Variants in GFRAL observed in about 807,000 individuals in gnomAD.
GFRAL encodes GDNF family receptor alpha-like.
In GFRAL, 36 loss-of-function variants were observed where a neutral mutation model predicts 45.4. The observed-to-expected ratio is 0.79, with a 90% CI of 0.61 to 1.05. GFRAL has a LOEUF of 1.05. GFRAL is among the 50% of genes least tolerant of loss of function. The pLI is 0.00. For missense variants in GFRAL, 507 were observed against 467.5 expected, an observed-to-expected ratio of 1.08 and a Z score of -0.78; for synonymous variants, 166 against 154.1, an observed-to-expected ratio of 1.08 and a Z score of -0.57.
chr6:55,332,743 A>C (rs1345867990), intron 2 of GFRAL, among the ~76,000 whole-genome samples: 2 of 152,134 alleles, frequency 1.3e-5, no homozygotes, highest in Admixed American at 6.5e-5. Flanking sequence ...AAAAAGAAAA[A>C]ATATATATAT....
intron 5 of GFRAL, among the ~76,000 whole-genome samples, chr6:55,355,149 GT>G (rs921002694): frequency 6.6e-6 from 1 of 151,096 alleles, no homozygotes; most frequent in Non-Finnish European, 1.5e-5. Flanking sequence ...TATTGTTTTT[GT>G]TTTTTTTCCC....
chr6:55,336,948 C>A (rs1322192349), intron 3 of GFRAL, among the ~76,000 whole-genome samples: 1 of 152,060 alleles, frequency 6.6e-6, no homozygotes, highest in Non-Finnish European at 1.5e-5. Flanking sequence ...CTGAATTCTG[C>A]AAATACTTTT....
chr6:55,349,422 A>T (rs1057244959), intron 3 of GFRAL, among the ~76,000 whole-genome samples: 3 of 151,904 alleles, frequency 2.0e-5, no homozygotes, highest in Non-Finnish European at 4.4e-5. Context: ...TGCTCCTTAT[A>T]GTTTCTTTTG....
chr6:55,363,740 A>T (rs1308855361), intron 6 of GFRAL, among the ~76,000 whole-genome samples: 1 of 151,060 alleles, frequency 6.6e-6, no homozygotes, highest in East Asian at 2.0e-4. Flanking sequence ...TTCCAATTTC[A>T]TCCATGTCCC....
At chr6:55,398,971 A>C (rs2127367736) in intron 6 of GFRAL, among the ~76,000 whole-genome samples, 1 of 152,268 alleles carries the variant, frequency 6.6e-6, no homozygotes, top group Admixed American at 6.5e-5. Flanking sequence ...CAAAAAATAA[A>C]AGCTTATACA....
At chr6:55,333,647 T>G (rs752415893) in intron 2 of GFRAL, 139 bp from the exon 3 acceptor site, 3 of 468,172 alleles carry the variant, frequency 6.4e-6, no homozygotes, top group African/African-American at 2.0e-5. Flanking sequence ...GTCACTTATA[T>G]GGATATCTTG....
At chr6:55,337,790 G>A (rs1279464711) in intron 3 of GFRAL, among the ~76,000 whole-genome samples, 2 of 152,076 alleles carry the variant, frequency 1.3e-5, no homozygotes, top group South Asian at 4.2e-4. Flanking sequence ...TCCTTTTTAT[G>A]TTTACATATT....
In GFRAL at chr6:55,373,333, C is replaced by T. The variant is rs537561656; in HGVS notation, c.952+14195C>T. ...TAGGTTTGGCGGAGTACACCCTCCT[C>T]GGGGAACATGGAATGTTCATAGCCA... On this transcript the variant is annotated intron_variant, in intron 6 of 8. Coordinates refer to ENST00000340465, the MANE Select transcript of GFRAL (RefSeq NM_207410.2). Among the ~76,000 whole-genome samples the T allele has an allele frequency of 3.9e-5, 6 of 152,098 alleles. No homozygotes were observed. The South Asian group carries it at 6.2e-4, about 16-fold the overall frequency.
At chr6:55,375,789 G>A (rs939229616) in intron 6 of GFRAL, among the ~76,000 whole-genome samples, 18 of 151,946 alleles carry the variant, frequency 1.2e-4, no homozygotes, top group African/African-American at 3.9e-4. Context: ...TCTAGATACA[G>A]GATCATGTCT....
intron 5 of GFRAL, among the ~76,000 whole-genome samples, chr6:55,356,684 T>G (rs992320677): frequency 6.6e-6 from 1 of 151,904 alleles, no homozygotes; most frequent in East Asian, 1.9e-4. Context: ...GAATTTTTTT[T>G]GTTTCACTTT....
At chr6:55,395,677 C>G (rs1046105818) in intron 6 of GFRAL, among the ~76,000 whole-genome samples, 8 of 151,640 alleles carry the variant, frequency 5.3e-5, no homozygotes, top group African/African-American at 1.9e-4. Flanking sequence ...TACTTTGTCT[C>G]TGATCAACCA....
At chr6:55,345,013 T>A (rs1339724794) in intron 3 of GFRAL, among the ~76,000 whole-genome samples, 1 of 152,186 alleles carries the variant, frequency 6.6e-6, no homozygotes, top group Non-Finnish European at 1.5e-5. Context: ...CAAGGAGGAC[T>A]ACAAACCACT....
chr6:55,349,763 GTT>G lies in GFRAL; in HGVS notation c.317-314_317-313del, dbSNP rs59006121. 1.2e-3 allele frequency among the ~76,000 whole-genome samples: 163 copies of G among 138,732 alleles called. No homozygotes were observed. The East Asian group carries it at 0.015, about 13-fold the overall frequency. The allele number at this position is 138,732 out of a possible 152,430, so 91.0% of individuals were successfully genotyped here. A position where few individuals can be genotyped will look rare whatever the true frequency, so the allele number is the denominator to read the frequency against. On this transcript the variant is annotated intron_variant, in intron 3 of 8. Coordinates refer to ENST00000340465, the MANE Select transcript of GFRAL (RefSeq NM_207410.2). ...GTAGTGTTCAGAAAATATTCCTTCTGTTTTTTTTTTTTTTTTCCCCAGTCAGC... is the reference window on the plus strand; with the variant it reads ...GTAGTGTTCAGAAAATATTCCTTCTGTTTTTTTTTTTTTTCCCCAGTCAGC...
At chr6:55,346,427 A>G (rs879861035) in intron 3 of GFRAL, among the ~76,000 whole-genome samples, 63 of 152,198 alleles carry the variant, frequency 4.1e-4, no homozygotes, top group Non-Finnish European at 7.8e-4. Context: ...CATTCTCAGC[A>G]AACTATCCCA....
chr6:55,364,827 T>C (rs1023813493), intron 6 of GFRAL, among the ~76,000 whole-genome samples: 16 of 152,070 alleles, frequency 1.1e-4, no homozygotes, highest in African/African-American at 3.9e-4. Context: ...TACCATGCTG[T>C]TTTGGTTACT....
At chr6:55,353,876 C>T (rs1342651178) in intron 5 of GFRAL, among the ~76,000 whole-genome samples, 20 of 151,970 alleles carry the variant, frequency 1.3e-4, no homozygotes. Context: ...CATGTGATTA[C>T]ACTACTTTTC....
At chr6:55,338,675 A>C (rs1336499982) in intron 3 of GFRAL, among the ~76,000 whole-genome samples, 1 of 152,168 alleles carries the variant, frequency 6.6e-6, no homozygotes, top group Non-Finnish European at 1.5e-5. Context: ...CTTTTAGGGT[A>C]AGTTGGTTTC....
chr6:55,394,520 A>ATGT (rs35863711), intron 6 of GFRAL, among the ~76,000 whole-genome samples: 29,186 of 152,032 alleles, frequency 0.19, 4,613 homozygotes, highest in African/African-American at 0.44. Context: ...CTGTTTGGAA[A>ATGT]TGTAAAGTGA....
At chr6:55,382,506 G>T (rs1430370444) in intron 6 of GFRAL, among the ~76,000 whole-genome samples, 1 of 151,900 alleles carries the variant, frequency 6.6e-6, no homozygotes, top group Non-Finnish European at 1.5e-5. Flanking sequence ...TCAGGGAAAA[G>T]TCAGTGTATT....
Sources: gnomAD v4.1 joint callset for allele counts (sites outside exome capture counted in the v4.1 genomes callset) on GRCh38, gnomAD v4.1.1 for gene constraint, MANE v1.5 for transcripts, NCBI Gene and HGNC (gene_info 2026-07-23, HGNC 2026-07-21) for gene names.